The following LAMA3 variants were observed in gnomAD, a reference collection of about 807,000 sequenced individuals.
LAMA3 encodes laminin subunit alpha-3.
LAMA3 carries 281 observed loss-of-function variants against 402.0 expected under a neutral mutation model. The ratio of observed to expected loss-of-function variants is 0.70; its 90% confidence interval spans 0.63 to 0.77. The LOEUF is 0.77. Ranked by LOEUF, LAMA3 falls within the 30% of genes least tolerant of loss-of-function variation. The pLI, the probability that LAMA3 is intolerant of heterozygous loss-of-function variation, is 0.00. For missense variants in LAMA3, 3,840 were observed against 4,215.5 expected (o/e 0.91, Z 2.47); for synonymous variants, 1,431 against 1,558.4 (o/e 0.92, Z 1.93).
At chr18:23,796,001 C>T (rs1346856978) in intron 12 of LAMA3, 1 of 375,442 alleles carries the variant, frequency 2.7e-6, no homozygotes. Context: ...TTCACTCTCT[C>T]TCTCTCCCTC....
chr18:23,792,969 T>C (rs138425797), intron 12 of LAMA3, among the ~76,000 whole-genome samples: 9 of 152,210 alleles, frequency 5.9e-5, no homozygotes, highest in Admixed American at 5.9e-4. Flanking sequence ...ACAACTGCTA[T>C]TGAGAAGATA....
At chr18:23,690,019 T>G in intron 1 of LAMA3, 42 bp downstream of exon 1, 2 of 1,345,492 alleles carry the variant, frequency 1.5e-6, no homozygotes, top group South Asian at 1.6e-5. Flanking sequence ...CGCCTTTTCC[T>G]TCCCGCGCCG....
intron 2 of LAMA3, among the ~76,000 whole-genome samples, chr18:23,739,576 A>T (rs1482749477): frequency 1.3e-5 from 2 of 152,240 alleles, no homozygotes; most frequent in African/African-American, 4.8e-5. Flanking sequence ...GAAAGATGTA[A>T]CAGAAGGAGA....
At chr18:23,954,378 G>A in intron 74 of LAMA3, 125 bp from the exon 75 acceptor site, 1 of 808,350 alleles carries the variant, frequency 1.2e-6, no homozygotes, top group Non-Finnish European at 2.0e-6. Flanking sequence ...ACTTCAGCCT[G>A]GGTAACAGAG....
rs138571165 is a variant in LAMA3 at position 23,916,677 on chromosome 18, G to C, written c.7905G>C (p.Leu2635=). 2.1e-4 allele frequency: 339 copies of C among 1,614,148 alleles called. No individual in the cohort carries two copies. The highest frequency in any genetic ancestry group is 2.0e-3 in the African/African-American group (152 of 75,028). Reference sequence around the variant, plus strand: ...AGACCACCGTGGATAGAGGCTTGCTGTTCTTTGCAGAAAACGGGGTAATCT... The same window carrying C: ...AGACCACCGTGGATAGAGGCTTGCTCTTCTTTGCAGAAAACGGGGTAATCT... ...TIQTTVDRGL[L]FFAENGDRFI... is the part of the protein sequence containing the mutation. The change falls in exon 60 of 75, where the codon CTG becomes CTC. Residue 2635 remains leucine, a synonymous_variant. Coordinates refer to ENST00000313654, the MANE Select transcript of LAMA3 (RefSeq NM_198129.4).
At chr18:23,904,210 G>A in intron 50 of LAMA3, 123 bp downstream of exon 50, 1 of 1,118,618 alleles carries the variant, frequency 8.9e-7, no homozygotes, top group Middle Eastern at 2.9e-4. Flanking sequence ...GGCGGAGGGT[G>A]GGGTCAAGGC....
At chr18:23,880,577 A>T (rs1372324848) in intron 39 of LAMA3, among the ~76,000 whole-genome samples, 3 of 152,216 alleles carry the variant, frequency 2.0e-5, no homozygotes, top group African/African-American at 7.2e-5. Context: ...TTCAGATATT[A>T]TTTAAAAACT....
chr18:23,950,229 G>T (rs2082860660), intron 72 of LAMA3, 70 bp downstream of exon 72: 2 of 1,587,166 alleles, frequency 1.3e-6, no homozygotes, highest in African/African-American at 1.3e-5. Context: ...GCCACAGCGG[G>T]TCAGGTTTGT....
Position 23,898,863 on chromosome 18 carries a change from C to A in LAMA3, c.5724+15C>A. The stretch of plus-strand genomic sequence containing the variant: ...TGCAAGAAAAGGTAATGTGTTAGGT[C>A]CATTTAACTTTGGGGTTTTTTTGCT... On this transcript the variant is annotated intron_variant, in intron 45 of 74. Transcript: ENST00000313654. 2.5e-6 allele frequency: 4 copies of A among 1,569,066 alleles called. No homozygotes were observed. Among genetic ancestry groups the A allele is most frequent in the Non-Finnish European group, 3.5e-6 (4 of 1,139,050 alleles).
In LAMA3 at chr18:23,784,049, C is replaced by G; in HGVS notation, c.1495C>G (p.Leu499Val). 6.2e-7 allele frequency: 1 copy of G among 1,614,080 alleles called. No individual in the cohort carries two copies. The highest frequency in any genetic ancestry group is 1.1e-5 in the South Asian group (1 of 91,074). The part of the protein sequence containing the change: ...KGCDCNLEGV[L>V]PEICDAHGRC... ...GTGTGACTGTAATCTGGAAGGTGTT[C>G]TCCCTGAAATATGTGATGCCCACGG... The change falls in exon 12 of 75, where the codon CTC (leucine) becomes GTC (valine). Residue 499 changes from leucine (L) to valine (V), a missense_variant. By Grantham distance (32) the Leu-to-Val change is conservative (BLOSUM62 1). This residue lies in a region of LAMA3 where 2,109 missense variants were observed against 2,376.0 expected (regional missense o/e 0.89). Coordinates refer to ENST00000313654, the MANE Select transcript of LAMA3 (RefSeq NM_198129.4).
rs1241689165 is a variant in LAMA3 at position 23,703,497 on chromosome 18, G to A, written c.295-10423G>A. Among the ~76,000 whole-genome samples the A allele has an allele frequency of 3.9e-5, 6 of 152,088 alleles. No homozygotes were observed. The South Asian group carries it at 8.3e-4, about 21-fold the overall frequency. The stretch of plus-strand genomic sequence containing the variant: ...TGGAATGAGTTGAAATGAATTCAAA[G>A]GACTCCCCCACCTAGAATTTGGAGT... On this transcript the variant is annotated intron_variant, in intron 1 of 74. Transcript: ENST00000313654.
chr18:23,849,222 T>C (rs1050025303), intron 32 of LAMA3, among the ~76,000 whole-genome samples: 4 of 152,232 alleles, frequency 2.6e-5, no homozygotes, highest in Admixed American at 6.5e-5. Flanking sequence ...AAAGGCCCCT[T>C]AACCACACCT....
chr18:23,836,737 A>C (rs995767090), intron 24 of LAMA3, among the ~76,000 whole-genome samples: 5 of 152,198 alleles, frequency 3.3e-5, no homozygotes, highest in Admixed American at 6.5e-5. Context: ...TCATCAAGCC[A>C]GGCAGAAAAA....
Position 23,933,927 on chromosome 18 carries a change from A to G in LAMA3, c.8854A>G (p.Ile2952Val). Reference protein sequence around the residue: ...TRFNKTKTFRINQLLQDTPVA... With the variant: ...TRFNKTKTFRVNQLLQDTPVA... ...GTTTAACAAGACCAAGACTTTTCGTATCAACCAGGTAAGTGTCCAAACCTA... is the reference window on the plus strand; with the variant it reads ...GTTTAACAAGACCAAGACTTTTCGTGTCAACCAGGTAAGTGTCCAAACCTA... The change falls in exon 67 of 75, where the codon ATC becomes GTC. Residue 2952 changes from isoleucine to valine, a missense_variant. Physicochemically the swap from Ile to Val is conservative, Grantham distance 29. This residue lies in a region of LAMA3 where 840 missense variants were observed against 981.9 expected (regional missense o/e 0.86). Coordinates refer to ENST00000313654, the MANE Select transcript of LAMA3 (RefSeq NM_198129.4). 3.1e-6 allele frequency: 5 copies of G among 1,614,106 alleles called. No individual in the cohort carries two copies. Among genetic ancestry groups the G allele is most frequent in the Non-Finnish European group, 4.2e-6 (5 of 1,179,976 alleles).
intron 32 of LAMA3, among the ~76,000 whole-genome samples, 154 bp downstream of exon 32, chr18:23,847,822 G>A (rs1478245165): frequency 6.6e-6 from 1 of 152,222 alleles, no homozygotes; most frequent in Non-Finnish European, 1.5e-5. Flanking sequence ...GGGTTGCAGT[G>A]GGTGGAGTGA....
intron 17 of LAMA3, 67 bp downstream of exon 17, chr18:23,815,640 T>G: frequency 1.9e-6 from 2 of 1,080,012 alleles, no homozygotes; most frequent in Non-Finnish European, 2.9e-6. Flanking sequence ...TAAATAACAT[T>G]TCTTCTGAGT....
rs538232334 is a variant in LAMA3 at position 23,819,773 on chromosome 18, G to A, written c.2148-68G>A. On this transcript the variant is annotated intron_variant, in intron 18 of 74. Coordinates refer to ENST00000313654, the MANE Select transcript of LAMA3 (RefSeq NM_198129.4). Reference sequence around the variant, plus strand: ...GGAGTTCTTTCATAGTAACTATTGTGATTAAAAGATGTTCAGATGATCTAT... The same window carrying A: ...GGAGTTCTTTCATAGTAACTATTGTAATTAAAAGATGTTCAGATGATCTAT... The A allele has an allele frequency of 9.0e-5, 122 of 1,348,266 alleles. No individual in the cohort carries two copies. The South Asian group carries it at 1.3e-3, about 14-fold the overall frequency. The allele number at this position is 1,348,266 out of a possible 1,614,324, so 83.5% of individuals were successfully genotyped here.
Position 23,912,772 on chromosome 18 carries a change from T to C in LAMA3, c.7220T>C (p.Leu2407Pro). 1 of 1,614,076 alleles carries C rather than the reference T, an allele frequency of 6.2e-7. No individual in the cohort carries two copies. The highest frequency in any genetic ancestry group is 8.5e-7 in the Non-Finnish European group (1 of 1,179,914). Reference sequence around the variant, plus strand: ...GTCGAAGTCCGACTGCCAAATGACCTGGAAGATTTGAAAGGATATACATCT... The same window carrying C: ...GTCGAAGTCCGACTGCCAAATGACCCGGAAGATTTGAAAGGATATACATCT... ...SGVEVRLPND[L>P]EDLKGYTSLS... Residue 2407 changes from leucine to proline, a missense_variant, in exon 56 of 75, where the codon CTG (leucine) becomes CCG (proline). This residue lies in a region of LAMA3 where 891 missense variants were observed against 857.5 expected (regional missense o/e 1.04). Coordinates refer to ENST00000313654, the MANE Select transcript of LAMA3 (RefSeq NM_198129.4).
intron 20 of LAMA3, among the ~76,000 whole-genome samples, chr18:23,823,463 T>C: frequency 6.6e-6 from 1 of 152,192 alleles, no homozygotes; most frequent in Non-Finnish European, 1.5e-5. Context: ...ACCTTTCCCC[T>C]AAGTCTGAGT....
Sources: gnomAD v4.1 joint callset for allele counts (sites outside exome capture counted in the v4.1 genomes callset) on GRCh38, gnomAD v4.1.1 for gene constraint, gnomAD v4.1.1 regional missense constraint, MANE v1.5 for transcripts, NCBI Gene and HGNC (gene_info 2026-07-23, HGNC 2026-07-21) for gene names.